The following TOM1L2 variants were observed in gnomAD, a reference collection of about 807,000 sequenced individuals.
TOM1L2 encodes target of myb1 like 2 membrane trafficking protein.
Under a neutral mutation model 67.9 loss-of-function variants are expected in TOM1L2, and 31 were observed. That is an observed-to-expected ratio of 0.46 (90% CI 0.34 to 0.62). TOM1L2 has a LOEUF of 0.62. Ranked by LOEUF, TOM1L2 falls within the 20% of genes least tolerant of loss-of-function variation. TOM1L2 has a pLI of 0.01. For synonymous variants in TOM1L2, 256 were observed against 254.0 expected, an observed-to-expected ratio of 1.01 and a Z score of -0.07; for missense variants, 606 against 663.5, an observed-to-expected ratio of 0.91 and a Z score of 0.95.
At chr17:17,938,128 G>C (rs1219906998) in intron 1 of TOM1L2, among the ~76,000 whole-genome samples, 2 of 152,210 alleles carry the variant, frequency 1.3e-5, no homozygotes, top group African/African-American at 4.8e-5. Flanking sequence ...GGGAAGAGGA[G>C]AGGACCCAGG....
chr17:17,956,259 G>A (rs2041442058), intron 1 of TOM1L2, among the ~76,000 whole-genome samples: 1 of 152,206 alleles, frequency 6.6e-6, no homozygotes, highest in African/African-American at 2.4e-5. Context: ...CAATCCCTGA[G>A]CTAGACACAA....
intron 14 of TOM1L2, among the ~76,000 whole-genome samples, chr17:17,848,417 G>A (rs1568036531): frequency 6.6e-6 from 1 of 152,146 alleles, no homozygotes; most frequent in Admixed American, 6.5e-5. Flanking sequence ...CTAAGACCCC[G>A]CTGCTCCCAT....
intron 1 of TOM1L2, among the ~76,000 whole-genome samples, chr17:17,917,189 G>A (rs2039661887): frequency 6.6e-6 from 1 of 151,470 alleles, no homozygotes; most frequent in Non-Finnish European, 1.5e-5. Context: ...AAAATTAGCT[G>A]GGCGTGGTGG....
At chr17:17,968,443 G>T (rs1235504914) in intron 1 of TOM1L2, among the ~76,000 whole-genome samples, 5 of 152,178 alleles carry the variant, frequency 3.3e-5, no homozygotes, top group African/African-American at 9.7e-5. Context: ...AAGGAGGGTG[G>T]ATCACGAGGT....
At chr17:17,925,681 C>T (rs977053649) in intron 1 of TOM1L2, among the ~76,000 whole-genome samples, 11 of 114,582 alleles carry the variant, frequency 9.6e-5, no homozygotes, top group Non-Finnish European at 1.8e-4. Context: ...CTCGTGTCTA[C>T]CAAAAAAAAA....
intron 1 of TOM1L2, among the ~76,000 whole-genome samples, chr17:17,942,832 C>A (rs974790342): frequency 6.6e-6 from 1 of 152,152 alleles, no homozygotes; most frequent in Non-Finnish European, 1.5e-5. Flanking sequence ...GCTTTAGTCG[C>A]GACAGCCCTG....
intron 1 of TOM1L2, 76 bp downstream of exon 1, chr17:17,972,186 G>A: frequency 3.3e-6 from 5 of 1,527,280 alleles, no homozygotes; most frequent in Non-Finnish European, 4.4e-6. Flanking sequence ...ACCGGCGCCC[G>A]GCGGAGGCCC....
intron 4 of TOM1L2, among the ~76,000 whole-genome samples, chr17:17,886,520 T>C (rs1435601112): frequency 6.6e-6 from 1 of 152,240 alleles, no homozygotes; most frequent in Non-Finnish European, 1.5e-5. Flanking sequence ...CTAAGTCCTG[T>C]GACGCCAACC....
intron 2 of TOM1L2, among the ~76,000 whole-genome samples, chr17:17,904,823 C>T (rs1044184486): frequency 6.6e-6 from 1 of 152,162 alleles, no homozygotes; most frequent in Non-Finnish European, 1.5e-5. Flanking sequence ...CTACGGGACA[C>T]ATTTCTCCTG....
At chr17:17,923,875 C>T (rs935238417) in intron 1 of TOM1L2, among the ~76,000 whole-genome samples, 5 of 151,906 alleles carry the variant, frequency 3.3e-5, no homozygotes, top group Admixed American at 3.3e-4. Flanking sequence ...CGGTGGCTGT[C>T]GCCTGTAATC....
intron 12 of TOM1L2, among the ~76,000 whole-genome samples, chr17:17,854,522 T>A (rs191998900): frequency 5.4e-4 from 82 of 152,012 alleles, no homozygotes; most frequent in Non-Finnish European, 7.8e-4. Flanking sequence ...TAGTTATTTA[T>A]TTAATTAATT....
In TOM1L2 at chr17:17,862,858, C is replaced by T. The variant is rs750097221; in HGVS notation, c.1085-10G>A. 3 of 1,510,420 alleles carry T rather than the reference C, an allele frequency of 2.0e-6. No homozygotes were observed. The African/African-American group carries it at 4.3e-5, about 22-fold the overall frequency. 93.6% of individuals were successfully genotyped at this position (1,510,420 alleles called of 1,614,324 possible). ...CTCTCTGTCCCCAAGTCTGTGGCAACAAAACAAATGGGTGGCAGATGAGAA... is the reference window on the plus strand; with the variant it reads ...CTCTCTGTCCCCAAGTCTGTGGCAATAAAACAAATGGGTGGCAGATGAGAA... On this transcript the variant is annotated splice_polypyrimidine_tract_variant and intron_variant, in intron 10 of 14. Coordinates refer to ENST00000379504, the MANE Select transcript of TOM1L2 (RefSeq NM_001082968.2).
chr17:17,916,295 G>C (rs974639824), intron 1 of TOM1L2, among the ~76,000 whole-genome samples: 1 of 151,988 alleles, frequency 6.6e-6, no homozygotes, highest in Non-Finnish European at 1.5e-5. Context: ...GGATGGTCTC[G>C]ATCTCCTGAC....
chr17:17,948,917 T>C (rs530835981), intron 1 of TOM1L2, among the ~76,000 whole-genome samples: 6 of 151,808 alleles, frequency 4.0e-5, no homozygotes, highest in Non-Finnish European at 7.4e-5. Flanking sequence ...GGGGAAAGAG[T>C]TGGAGTACAG....
chr17:17,966,694 T>C (rs1397329630), intron 1 of TOM1L2, among the ~76,000 whole-genome samples: 1 of 152,240 alleles, frequency 6.6e-6, no homozygotes, highest in East Asian at 1.9e-4. Flanking sequence ...CCATTGACCT[T>C]GCACAAGTCT....
intron 1 of TOM1L2, among the ~76,000 whole-genome samples, chr17:17,961,749 G>T (rs1045897376): frequency 6.6e-6 from 1 of 152,014 alleles, no homozygotes; most frequent in Non-Finnish European, 1.5e-5. Context: ...GCAGGCGCCT[G>T]TAGTCCCAGC....
chr17:17,877,967 T>C (rs919932999), intron 7 of TOM1L2, among the ~76,000 whole-genome samples: 4 of 152,110 alleles, frequency 2.6e-5, no homozygotes, highest in African/African-American at 7.2e-5. Flanking sequence ...TGGAAGCATC[T>C]TGGCTTTGTT....
At chr17:17,857,376 C>A (rs1433343110) in intron 12 of TOM1L2, among the ~76,000 whole-genome samples, 1 of 152,190 alleles carries the variant, frequency 6.6e-6, no homozygotes, top group African/African-American at 2.4e-5. Context: ...AGAGGGCTTC[C>A]CTGACTGGTC....
At chr17:17,851,491 C>T (rs1406047813) in intron 12 of TOM1L2, among the ~76,000 whole-genome samples, 1 of 152,168 alleles carries the variant, frequency 6.6e-6, no homozygotes, top group Non-Finnish European at 1.5e-5. Flanking sequence ...TTTTGAAATG[C>T]GTCCTGGTGC....
Sources: gnomAD v4.1 joint callset for allele counts (sites outside exome capture counted in the v4.1 genomes callset) on GRCh38, gnomAD v4.1.1 for gene constraint, MANE v1.5 for transcripts, NCBI Gene and HGNC (gene_info 2026-07-23, HGNC 2026-07-21) for gene names.